Variants in PCSK2 observed in about 807,000 individuals in gnomAD.
The protein encoded by PCSK2 is neuroendocrine convertase 2.
PCSK2 carries 14 observed loss-of-function variants against 69.7 expected under a neutral mutation model. The ratio of observed to expected loss-of-function variants is 0.20; its 90% confidence interval spans 0.13 to 0.31. The LOEUF is 0.31. Among genes scored for constraint, PCSK2 ranks in the 10% least tolerant of loss-of-function variants. The probability of loss-of-function intolerance (pLI) is 1.00; values close to 1 mark genes in which losing one functional copy is unlikely to be tolerated. For synonymous variants in PCSK2, 307 were observed against 320.7 expected, an observed-to-expected ratio of 0.96 and a Z score of 0.46; for missense variants, 544 against 842.5, an observed-to-expected ratio of 0.65 and a Z score of 4.39.
intron 2 of PCSK2, among the ~76,000 whole-genome samples, chr20:17,330,519 G>C (rs1990181528): frequency 6.6e-6 from 1 of 152,088 alleles, no homozygotes; most frequent in South Asian, 2.1e-4. Flanking sequence ...CCTTGAACCA[G>C]GGAGGCAGAT....
chr20:17,242,618 G>A (rs1986624187), intron 1 of PCSK2, among the ~76,000 whole-genome samples: 1 of 152,168 alleles, frequency 6.6e-6, no homozygotes, highest in Middle Eastern at 3.2e-3. Context: ...CGTTCTAAAT[G>A]CAAAGGACCT....
intron 5 of PCSK2, among the ~76,000 whole-genome samples, chr20:17,385,061 G>A (rs1038060089): frequency 2.0e-5 from 3 of 152,232 alleles, no homozygotes; most frequent in Admixed American, 6.5e-5. Context: ...AAGTTTTATC[G>A]GAACGCAGCC....
rs1429738246 is a variant in PCSK2, at chr20:17,275,714, G to A, written c.282+15370G>A. 5.3e-5 allele frequency among the ~76,000 whole-genome samples: 8 copies of A among 152,066 alleles called. No individual in the cohort carries two copies. In the South Asian group the frequency reaches 6.2e-4, roughly 12 times the overall value. ...CATTTTCTTTGAAGTATAAGGAAAC[G>A]TGCAGTCTGCTGGGATCCATCACAC... On this transcript the variant is annotated intron_variant, in intron 2 of 11. Transcript: ENST00000262545.
chr20:17,291,072 G>C (rs1279702794), intron 2 of PCSK2, among the ~76,000 whole-genome samples: 3 of 151,854 alleles, frequency 2.0e-5, no homozygotes, highest in African/African-American at 2.4e-5. Context: ...GAGTTTAGGA[G>C]GGGACACTCA....
intron 2 of PCSK2, 37 bp downstream of exon 2, chr20:17,260,381 C>T: frequency 1.4e-6 from 2 of 1,405,656 alleles, no homozygotes; most frequent in South Asian, 1.2e-5. Flanking sequence ...CCAATCTCTG[C>T]TGCCATGGCT....
In PCSK2 at chr20:17,453,596, G is replaced by T. The variant is rs1568656756; in HGVS notation, c.886-146G>T. ...AGTTTCCCACAATGCCCTGCCAGAA[G>T]GATATGGTGTCCAACCCAGTTTAAA... On this transcript the variant is annotated intron_variant, in intron 8 of 11. Coordinates refer to ENST00000262545, the MANE Select transcript of PCSK2 (RefSeq NM_002594.5). The surrounding 1 kb of genome is among the most constrained non-coding windows in gnomAD (Gnocchi z 4.0). 4 of 668,042 alleles carry T rather than the reference G, an allele frequency of 6.0e-6. No individual in the cohort carries two copies. In the East Asian group the frequency reaches 1.1e-4, roughly 19 times the overall value. The allele number at this position is 668,042 out of a possible 1,614,324, so 41.4% of individuals were successfully genotyped here.
At chr20:17,288,613 G>A (rs1988597586) in intron 2 of PCSK2, among the ~76,000 whole-genome samples, 1 of 152,160 alleles carries the variant, frequency 6.6e-6, no homozygotes, top group Non-Finnish European at 1.5e-5. Flanking sequence ...CTCAAATGAA[G>A]TCACTAGGGT....
At chr20:17,239,607 T>C (rs1986478595) in intron 1 of PCSK2, among the ~76,000 whole-genome samples, 1 of 152,030 alleles carries the variant, frequency 6.6e-6, no homozygotes, top group Admixed American at 6.6e-5. Flanking sequence ...TATGGGAGTT[T>C]CAAGCCAATG....
chr20:17,480,392 T>C (rs2033378747), intron 11 of PCSK2, among the ~76,000 whole-genome samples: 1 of 151,890 alleles, frequency 6.6e-6, no homozygotes, highest in Non-Finnish European at 1.5e-5. Context: ...GGTTTCGCCA[T>C]GTTAGCCATG....
chr20:17,297,193 G>A (rs897491543), intron 2 of PCSK2, among the ~76,000 whole-genome samples: 2 of 152,192 alleles, frequency 1.3e-5, no homozygotes, highest in African/African-American at 2.4e-5. Flanking sequence ...CAAAGAGTCC[G>A]AGGTAGCAAG....
intron 6 of PCSK2, among the ~76,000 whole-genome samples, chr20:17,420,591 G>A (rs2032101742): frequency 6.6e-6 from 1 of 152,152 alleles, no homozygotes; most frequent in Non-Finnish European, 1.5e-5. Flanking sequence ...GGGTTATGGA[G>A]AAAATTATAA....
chr20:17,263,823 G>C (rs1987488561), intron 2 of PCSK2, among the ~76,000 whole-genome samples: 1 of 152,292 alleles, frequency 6.6e-6, no homozygotes, highest in African/African-American at 2.4e-5. Flanking sequence ...GCGGGACAAT[G>C]TGTCTGGAAG....
At chr20:17,326,139 A>G (rs1990043975) in intron 2 of PCSK2, among the ~76,000 whole-genome samples, 1 of 152,262 alleles carries the variant, frequency 6.6e-6, no homozygotes. Flanking sequence ...ACCTCCACCC[A>G]CAATGGGTAC....
intron 5 of PCSK2, among the ~76,000 whole-genome samples, chr20:17,379,917 T>C (rs1276934307): frequency 6.6e-6 from 1 of 152,208 alleles, no homozygotes; most frequent in Non-Finnish European, 1.5e-5. Flanking sequence ...CAGTGGAGGC[T>C]TTCACCTGTT....
chr20:17,480,546 A>G (rs1452081715), intron 11 of PCSK2, among the ~76,000 whole-genome samples: 1 of 152,160 alleles, frequency 6.6e-6, no homozygotes, highest in Non-Finnish European at 1.5e-5. Flanking sequence ...TATTTATCAA[A>G]GCACTTAGCA....
At chr20:17,347,507 C>A (rs1402531943) in intron 2 of PCSK2, among the ~76,000 whole-genome samples, 1 of 152,058 alleles carries the variant, frequency 6.6e-6, no homozygotes, top group Non-Finnish European at 1.5e-5. Context: ...GAGCTGTGTC[C>A]AGCTCATCAA....
At chr20:17,409,915 T>C (rs1485717381) in intron 6 of PCSK2, among the ~76,000 whole-genome samples, 2 of 152,248 alleles carry the variant, frequency 1.3e-5, no homozygotes, top group African/African-American at 4.8e-5. Context: ...AAATGTGGTC[T>C]CTTTTTTCTT....
At chr20:17,242,376 AT>A (rs1352430584) in intron 1 of PCSK2, among the ~76,000 whole-genome samples, 2 of 152,206 alleles carry the variant, frequency 1.3e-5, no homozygotes, top group Non-Finnish European at 2.9e-5. Flanking sequence ...TTCTTATTTT[AT>A]TAACAAGTGT....
chr20:17,468,538 A>G (rs2033146896), intron 11 of PCSK2, among the ~76,000 whole-genome samples: 1 of 149,954 alleles, frequency 6.7e-6, no homozygotes, highest in African/African-American at 2.5e-5. Context: ...GCAGCCTACC[A>G]TAGGTCAGCA....
Sources: allele counts gnomAD v4.1 joint callset (sites outside exome capture counted in the v4.1 genomes callset), GRCh38; gene constraint gnomAD v4.1.1; non-coding constraint Gnocchi (gnomAD v3.1); transcripts MANE v1.5; gene names NCBI Gene and HGNC (gene_info 2026-07-23, HGNC 2026-07-21).